HKDC1: variants seen among roughly 807,000 people sequenced by gnomAD.
HKDC1 encodes the protein hexokinase domain containing 1.
A neutral mutation model predicts 96.6 loss-of-function variants in HKDC1; 66 were observed. The observed-to-expected ratio is 0.68, with a 90% confidence interval of 0.56 to 0.84. The LOEUF is 0.84. Ranked by LOEUF, HKDC1 falls within the 40% of genes least tolerant of loss-of-function variation. The pLI is 0.00. For synonymous variants in HKDC1, 466 were observed against 473.1 expected (o/e 0.98, Z 0.20); for missense variants, 1,211 against 1,208.1 (o/e 1.00, Z -0.04).
rs1438368330 is a variant in HKDC1, at chr10:69,250,572, G to A, written c.1756G>A (p.Asp586Asn). ...TGTGCAGTGCATCGCCGACTTCCTGGACTACATGGGCCTCAAGGGAGCCTC... is the reference window on the plus strand; with the variant it reads ...TGTGCAGTGCATCGCCGACTTCCTGAACTACATGGGCCTCAAGGGAGCCTC... ...HIVQCIADFL[D>N]YMGLKGASLP... The change falls in exon 12 of 18, where the codon GAC becomes AAC. Residue 586 changes from aspartate to asparagine, a missense_variant. Physicochemically the swap from Asp to Asn is conservative, Grantham distance 23 (BLOSUM62 1). Transcript: ENST00000354624. 1 of 1,614,014 alleles carries A rather than the reference G, an allele frequency of 6.2e-7. No homozygotes were observed. The highest frequency in any genetic ancestry group is 2.2e-5 in the East Asian group (1 of 44,874).
intron 4 of HKDC1, 74 bp downstream of exon 4, chr10:69,233,207 C>A: frequency 6.3e-7 from 1 of 1,578,964 alleles, no homozygotes; most frequent in Non-Finnish European, 8.6e-7. Context: ...AGTCAGGCTG[C>A]ACGCAGGAGA....
At position 69,250,308 on chromosome 10, in the gene HKDC1, C is replaced by T. The variant is rs762726993; in HGVS notation, c.1589C>T (p.Ala530Val). Residue 530 changes from alanine to valine, a missense_variant, in exon 11 of 18, where the codon GCC becomes GTC. By Grantham distance (64) the Ala-to-Val change is moderately conservative (BLOSUM62 0). Transcript: ENST00000354624. Reference protein sequence around the residue: ...PDGTEKGKFLALDLGGTNFRV... With the variant: ...PDGTEKGKFLVLDLGGTNFRV... Reference sequence around the variant, plus strand: ...ATCACAGAGAAAGGAAAGTTTCTCGCCCTGGATCTTGGGGGAACCAACTTC... The same window carrying T: ...ATCACAGAGAAAGGAAAGTTTCTCGTCCTGGATCTTGGGGGAACCAACTTC... The T allele has an allele frequency of 6.2e-7, 1 of 1,613,842 alleles. No homozygotes were observed. The highest frequency in any genetic ancestry group is 2.2e-5 in the East Asian group (1 of 44,886).
intron 16 of HKDC1, 41 bp from the exon 17 acceptor site, chr10:69,265,543 TC>T: frequency 6.4e-7 from 1 of 1,562,724 alleles, no homozygotes; most frequent in Non-Finnish European, 8.8e-7. Flanking sequence ...CATCCCGGGG[TC>T]CTGGGAAGCA....
intron 6 of HKDC1, 44 bp downstream of exon 6, chr10:69,240,795 C>T (rs1194911125): frequency 4.8e-6 from 7 of 1,453,942 alleles, no homozygotes; most frequent in Middle Eastern, 1.7e-4. Context: ...GGAGAAGGGA[C>T]TGTTTGGGAG....
At chr10:69,232,536 G>T (rs1338686936) in intron 2 of HKDC1, 1 of 563,114 alleles carries the variant, frequency 1.8e-6, no homozygotes, top group East Asian at 3.0e-5. Flanking sequence ...GAGCCAGTGG[G>T]TTGGGCTCAG....
In HKDC1 at chr10:69,220,388, C is replaced by G; in HGVS notation, c.-48C>G. 1 of 1,477,874 alleles carries G rather than the reference C, an allele frequency of 6.8e-7. No homozygotes were observed. The highest frequency in any genetic ancestry group is 9.3e-7 in the Non-Finnish European group (1 of 1,081,000). 91.5% of individuals were successfully genotyped at this position (1,477,874 alleles called of 1,614,324 possible). A position where few individuals can be genotyped will look rare whatever the true frequency, so the allele number is the denominator to read the frequency against. ...CACTCCAGAGTCGTAGGAGTGAACACTGCACAGGAATCTCTGCCCATCTCA... is the reference window on the plus strand; with the variant it reads ...CACTCCAGAGTCGTAGGAGTGAACAGTGCACAGGAATCTCTGCCCATCTCA... On this transcript the variant is annotated 5_prime_UTR_variant, in exon 1 of 18. Transcript: ENST00000354624.
chr10:69,242,287 G>A (rs1376706253), intron 6 of HKDC1, among the ~76,000 whole-genome samples: 1 of 152,108 alleles, frequency 6.6e-6, no homozygotes, highest in Non-Finnish European at 1.5e-5. Flanking sequence ...CACAGATTGG[G>A]GGGGCCACGC....
At chr10:69,262,768 G>A (rs1843827600) in intron 16 of HKDC1, among the ~76,000 whole-genome samples, 1 of 152,126 alleles carries the variant, frequency 6.6e-6, no homozygotes, top group African/African-American at 2.4e-5. Context: ...CAAGTGTTCA[G>A]CATCCTTCTC....
chr10:69,237,766 G>A (rs1451610083), intron 4 of HKDC1, among the ~76,000 whole-genome samples: 1 of 152,148 alleles, frequency 6.6e-6, no homozygotes, highest in East Asian at 1.9e-4. Flanking sequence ...ACACGGCGGC[G>A]CTGTGGTGCA....
chr10:69,258,112 T>A (rs543371936), intron 14 of HKDC1, among the ~76,000 whole-genome samples: 1 of 152,350 alleles, frequency 6.6e-6, no homozygotes, highest in African/African-American at 2.4e-5. Flanking sequence ...GGGGATGTAC[T>A]GAGTTATCTC....
chr10:69,246,073 C>A lies in HKDC1; in HGVS notation c.876-6C>A. Reference sequence around the variant, plus strand: ...TGCGTCCACAGATCTGTTCACCAACCTGCAGGTTCGAGAAGATGATCAGTG... The same window carrying A: ...TGCGTCCACAGATCTGTTCACCAACATGCAGGTTCGAGAAGATGATCAGTG... On this transcript the variant is annotated splice_region_variant and splice_polypyrimidine_tract_variant and intron_variant, in intron 7 of 17. Coordinates refer to ENST00000354624, the MANE Select transcript of HKDC1 (RefSeq NM_025130.4). The A allele has an allele frequency of 6.2e-7, 1 of 1,613,892 alleles. No individual in the cohort carries two copies. The highest frequency in any genetic ancestry group is 8.5e-7 in the Non-Finnish European group (1 of 1,179,740).
rs148959143 is a variant in HKDC1 at position 69,255,533 on chromosome 10, C to G, written c.1837-1503C>G. On this transcript the variant is annotated intron_variant, in intron 12 of 17. Transcript: ENST00000354624. ...CCCTAGCTCTGCCTGCCTTCACCCC[C>G]CTGGCTTTCTAGATGATGGAGTGCG... Among the ~76,000 whole-genome samples the G allele has an allele frequency of 4.9e-4, 75 of 152,342 alleles. No individual in the cohort carries two copies. In the East Asian group the frequency reaches 0.014, roughly 29 times the overall value.
chr10:69,258,081 C>T (rs972183606), intron 14 of HKDC1, among the ~76,000 whole-genome samples: 1 of 152,152 alleles, frequency 6.6e-6, no homozygotes, highest in African/African-American at 2.4e-5. Flanking sequence ...TGGATATAAG[C>T]AGCAGGTGGA....
At chr10:69,265,514 C>A in intron 16 of HKDC1, 71 bp from the exon 17 acceptor site, 1 of 1,308,002 alleles carries the variant, frequency 7.6e-7, no homozygotes, top group African/African-American at 1.5e-5. Context: ...AATGGGGAGG[C>A]TGTGGGTCAC....
At chr10:69,249,927 T>A (rs1289609978) in intron 10 of HKDC1, among the ~76,000 whole-genome samples, 1 of 152,214 alleles carries the variant, frequency 6.6e-6, no homozygotes, top group Non-Finnish European at 1.5e-5. Flanking sequence ...CTCCTGATTT[T>A]GCAGATGTGG....
Position 69,220,490 on chromosome 10 carries a change from A to C in HKDC1, c.55A>C (p.Ile19Leu), listed in dbSNP as rs773389361. The C allele has an allele frequency of 3.1e-6, 5 of 1,599,768 alleles. No homozygotes were observed. The highest frequency in any genetic ancestry group is 2.3e-5 in the South Asian group (2 of 88,660). ...CTTCAGCAAGCTGAAGGAGGACCAG[A>C]TCAAGAAGGTAAGGAGGACCCACGA... ...FYFSKLKEDQ[I>L]KKVDRFLYHM... The change falls in exon 1 of 18, where the codon ATC becomes CTC. Residue 19 changes from isoleucine to leucine, a missense_variant. Physicochemically the swap from Ile to Leu is conservative, Grantham distance 5 (BLOSUM62 2). Transcript: ENST00000354624.
intron 2 of HKDC1, among the ~76,000 whole-genome samples, chr10:69,229,784 C>T (rs1039061324): frequency 6.6e-6 from 1 of 152,170 alleles, no homozygotes; most frequent in African/African-American, 2.4e-5. Context: ...CACAAAGCAT[C>T]TCACCAGTGA....
chr10:69,243,016 T>C (rs777590140), intron 6 of HKDC1, among the ~76,000 whole-genome samples, 166 bp from the exon 7 acceptor site: 1 of 152,218 alleles, frequency 6.6e-6, no homozygotes, highest in Non-Finnish European at 1.5e-5. Flanking sequence ...GTTTTCCCCA[T>C]GTGCTTGGGG....
At chr10:69,238,141 G>T (rs10998660) in intron 4 of HKDC1, among the ~76,000 whole-genome samples, 18 of 152,162 alleles carry the variant, frequency 1.2e-4, no homozygotes, top group Non-Finnish European at 2.2e-4. Flanking sequence ...ACGAGGTCTC[G>T]CTATGTTGCC....
Sources: allele counts gnomAD v4.1 joint callset (sites outside exome capture counted in the v4.1 genomes callset), GRCh38; gene constraint gnomAD v4.1.1; transcripts MANE v1.5; gene names NCBI Gene and HGNC (gene_info 2026-07-23, HGNC 2026-07-21).